Variants in BRWD1 observed in about 807,000 individuals in gnomAD.
BRWD1 encodes bromodomain and WD repeat-containing protein 1.
Under a neutral mutation model 251.2 loss-of-function variants are expected in BRWD1, and 82 were observed. That is an observed-to-expected ratio of 0.33 (90% CI 0.27 to 0.39). The LOEUF (loss-of-function observed/expected upper bound fraction) is 0.39. Among genes scored for constraint, BRWD1 ranks in the 10% least tolerant of loss-of-function variants. BRWD1 has a pLI of 1.00. For missense variants in BRWD1, 2,233 were observed against 2,711.6 expected, an observed-to-expected ratio of 0.82 and a Z score of 3.92; for synonymous variants, 918 against 902.8, an observed-to-expected ratio of 1.02 and a Z score of -0.30.
chr21:39,306,227 G>A (rs1479094142), intron 4 of BRWD1, among the ~76,000 whole-genome samples: 6 of 151,710 alleles, frequency 4.0e-5, no homozygotes, highest in African/African-American at 1.5e-4. Flanking sequence ...CCGCCACCAC[G>A]TCTGGCTAAT....
intron 19 of BRWD1, among the ~76,000 whole-genome samples, chr21:39,255,044 AAAT>A (rs1186033528): frequency 1.3e-5 from 2 of 152,300 alleles, no homozygotes; most frequent in African/African-American, 2.4e-5. Context: ...TTATGGACAA[AAAT>A]AATATTACAT....
intron 29 of BRWD1, among the ~76,000 whole-genome samples, chr21:39,222,257 G>A (rs541694995): frequency 1.5e-4 from 23 of 152,248 alleles, no homozygotes; most frequent in African/African-American, 4.8e-5. Flanking sequence ...ACTATTCACC[G>A]CCAAATAATG....
In BRWD1 at chr21:39,198,925, C is replaced by CT; in HGVS notation, c.5490dup (p.Asp1831ArgfsTer2). ...TTATGACATTTCCCATCTTCTCTAT[C>CT]TTGCTCTTCAGATTCAGAGTCTTCT... is the stretch of plus-strand genomic sequence containing the variant. On this transcript the variant is annotated frameshift_variant, in exon 40 of 41. Transcript: ENST00000342449. LOFTEE classifies it high-confidence loss of function. 1 of 1,614,106 alleles carries CT rather than the reference C, an allele frequency of 6.2e-7. No homozygotes were observed. The highest frequency in any genetic ancestry group is 8.5e-7 in the Non-Finnish European group (1 of 1,180,018).
intron 5 of BRWD1, 85 bp from the exon 6 acceptor site, chr21:39,296,448 A>T: frequency 1.5e-6 from 2 of 1,367,604 alleles, no homozygotes; most frequent in Non-Finnish European, 1.9e-6. Flanking sequence ...ATATTGTAAT[A>T]AACTGTTTAT....
intron 8 of BRWD1, 67 bp from the exon 9 acceptor site, chr21:39,280,315 G>C (rs1206578348): frequency 8.0e-7 from 1 of 1,245,502 alleles, no homozygotes; most frequent in African/African-American, 1.6e-5. Context: ...TAATAGTCTT[G>C]CAAACTTAAC....
At chr21:39,213,101 T>G (rs925957923) in intron 33 of BRWD1, among the ~76,000 whole-genome samples, 1 of 152,164 alleles carries the variant, frequency 6.6e-6, no homozygotes, top group Non-Finnish European at 1.5e-5. Flanking sequence ...TCTAACTTTT[T>G]TATTTATTGT....
At chr21:39,221,974 G>C (rs1380992167) in intron 29 of BRWD1, among the ~76,000 whole-genome samples, 3 of 151,422 alleles carry the variant, frequency 2.0e-5, no homozygotes, top group African/African-American at 7.3e-5. Flanking sequence ...ATAAACAAAG[G>C]AAAAAATGTT....
At chr21:39,269,782 C>T (rs2035043023) in intron 15 of BRWD1, 117 bp downstream of exon 15, 1 of 864,222 alleles carries the variant, frequency 1.2e-6, no homozygotes, top group Non-Finnish European at 1.6e-6. Context: ...TTTGAATATG[C>T]TGATTTGTAA....
In BRWD1 at chr21:39,188,973, T is replaced by C. The variant is rs1021914222; in HGVS notation, c.*7286A>G. 40 of 985,266 alleles carry C rather than the reference T, an allele frequency of 4.1e-5. No homozygotes were observed. Among genetic ancestry groups the C allele is most frequent in the Non-Finnish European group, 4.6e-5 (38 of 829,924 alleles). 61.0% of individuals were successfully genotyped at this position (985,266 alleles called of 1,614,324 possible). A position where few individuals can be genotyped will look rare whatever the true frequency, so the allele number is the denominator to read the frequency against. ...CCTTACCTCCTTCAGCTGGACTCTG[T>C]GGGAAGAGAAGTGGCTTAAAGTGCA... On this transcript the variant is annotated 3_prime_UTR_variant, in exon 41 of 41. Coordinates refer to ENST00000342449, the MANE Select transcript of BRWD1 (RefSeq NM_033656.4).
intron 6 of BRWD1, 63 bp from the exon 7 acceptor site, chr21:39,295,966 C>G: frequency 7.3e-7 from 1 of 1,374,882 alleles, no homozygotes; most frequent in Non-Finnish European, 9.7e-7. Flanking sequence ...CTAAGAAAAA[C>G]TCAAATAACA....
chr21:39,189,114 G>T lies in BRWD1; in HGVS notation c.*7145C>A. On this transcript the variant is annotated 3_prime_UTR_variant, in exon 41 of 41. Coordinates refer to ENST00000342449, the MANE Select transcript of BRWD1 (RefSeq NM_033656.4). ...TCTTTAACACATTAAATCAATGTTA[G>T]CAAATGCTAAAATGTAAATATGCTA... 2 of 984,064 alleles carry T rather than the reference G, an allele frequency of 2.0e-6. No individual in the cohort carries two copies. Among genetic ancestry groups the T allele is most frequent in the Non-Finnish European group, 2.4e-6 (2 of 828,736 alleles). The allele number at this position is 984,064 out of a possible 1,614,324, so 61.0% of individuals were successfully genotyped here. A position where few individuals can be genotyped will look rare whatever the true frequency, so the allele number is the denominator to read the frequency against.
Position 39,190,510 on chromosome 21 carries a change from G to A in BRWD1, c.*5749C>T, listed in dbSNP as rs1028136442. The A allele has an allele frequency of 1.0e-6, 1 of 985,190 alleles. No homozygotes were observed. Among genetic ancestry groups the A allele is most frequent in the African/African-American group, 1.7e-5 (1 of 57,184 alleles). 61.0% of individuals were successfully genotyped at this position (985,190 alleles called of 1,614,324 possible). On this transcript the variant is annotated 3_prime_UTR_variant, in exon 41 of 41. Coordinates refer to ENST00000342449, the MANE Select transcript of BRWD1 (RefSeq NM_033656.4). ...TGGATAAATCAAATCCACAAAGTGG[G>A]TAAACCCTCTAGGTGCAAGTTATAA...
At chr21:39,313,048 G>GT in intron 3 of BRWD1, 24 bp downstream of exon 3, 1 of 1,382,716 alleles carries the variant, frequency 7.2e-7, no homozygotes. Context: ...ACCCGAGGGA[G>GT]CGCGGGGACG....
chr21:39,238,285 CAAAA>C (rs58179212), intron 22 of BRWD1, among the ~76,000 whole-genome samples, 190 bp downstream of exon 22: 6 of 122,360 alleles, frequency 4.9e-5, no homozygotes, highest in Admixed American at 8.3e-5. Flanking sequence ...TGCTTAAAGT[CAAAA>C]AAAAAAAAAA....
In BRWD1 at chr21:39,232,359, T is replaced by A; in HGVS notation, c.2892+14A>T. 1 of 1,598,570 alleles carries A rather than the reference T, an allele frequency of 6.3e-7. No individual in the cohort carries two copies. Among genetic ancestry groups the A allele is most frequent in the Non-Finnish European group, 8.5e-7 (1 of 1,175,480 alleles). ...TGTTCCATATTCGTGTTTTTAAATT[T>A]GTATTACTCTCACCTCATCACCCAT... On this transcript the variant is annotated intron_variant, in intron 24 of 40. Transcript: ENST00000342449.
At chr21:39,264,433 A>T (rs1192638945) in intron 17 of BRWD1, 27 bp downstream of exon 17, 4 of 1,138,356 alleles carry the variant, frequency 3.5e-6, no homozygotes, top group Non-Finnish European at 3.6e-6. Flanking sequence ...AACTTTAAAA[A>T]AAAAAAAAAA....
chr21:39,195,709 G>A lies in BRWD1; in HGVS notation c.*550C>T. The A allele has an allele frequency of 1.0e-6, 1 of 984,512 alleles. No individual in the cohort carries two copies. Among genetic ancestry groups the A allele is most frequent in the Non-Finnish European group, 1.2e-6 (1 of 829,584 alleles). 61.0% of individuals were successfully genotyped at this position (984,512 alleles called of 1,614,324 possible). On this transcript the variant is annotated 3_prime_UTR_variant, in exon 41 of 41. Transcript: ENST00000342449. ...ATTTCAATGAAAGTGACCAGATCTGGTATAATGCATTCTACTCAAGTAGCC... is the reference window on the plus strand; with the variant it reads ...ATTTCAATGAAAGTGACCAGATCTGATATAATGCATTCTACTCAAGTAGCC...
At chr21:39,226,521 T>A (rs2033390106) in intron 27 of BRWD1, among the ~76,000 whole-genome samples, 2 of 152,210 alleles carry the variant, frequency 1.3e-5, no homozygotes, top group African/African-American at 4.8e-5. Flanking sequence ...AATGGACATG[T>A]TGGCAAAAAT....
At chr21:39,278,373 C>T (rs2035343447) in intron 10 of BRWD1, 1 of 180,476 alleles carries the variant, frequency 5.5e-6, no homozygotes. Context: ...AGAATAATTT[C>T]ATCAAGATAT....
Sources: gnomAD v4.1 joint callset for allele counts (sites outside exome capture counted in the v4.1 genomes callset) on GRCh38, gnomAD v4.1.1 for gene constraint, MANE v1.5 for transcripts, NCBI Gene and HGNC (gene_info 2026-07-23, HGNC 2026-07-21) for gene names.